MYO9A: variants seen among roughly 807,000 people sequenced by gnomAD.
MYO9A encodes unconventional myosin-IXa.
Under a neutral mutation model 293.3 loss-of-function variants are expected in MYO9A, and 103 were observed. The ratio of observed to expected loss-of-function variants is 0.35; its 90% CI spans 0.30 to 0.41. The LOEUF is 0.41. Among genes scored for constraint, MYO9A ranks in the 10% least tolerant of loss-of-function variants. The probability of loss-of-function intolerance (pLI) is 1.00; values close to 1 mark genes in which losing one functional copy is unlikely to be tolerated. For synonymous variants in MYO9A, 1,001 were observed against 1,035.7 expected (o/e 0.97, Z 0.64); for missense variants, 2,685 against 3,033.0 (o/e 0.89, Z 2.69).
chr15:71,959,870 G>C, intron 14 of MYO9A, 31 bp downstream of exon 14: 3 of 1,282,988 alleles, frequency 2.3e-6, no homozygotes, highest in Non-Finnish European at 3.3e-6. Flanking sequence ...AAAAGATGAA[G>C]TATGGTAGAA....
At chr15:71,846,252 A>G (rs533149462) in intron 39 of MYO9A, among the ~76,000 whole-genome samples, 5 of 152,198 alleles carry the variant, frequency 3.3e-5, no homozygotes, top group Non-Finnish European at 7.4e-5. Flanking sequence ...ATGAGCCGGA[A>G]TAGCAGTGTT....
At chr15:72,084,484 A>G (rs1424288749) in intron 1 of MYO9A, among the ~76,000 whole-genome samples, 1 of 152,124 alleles carries the variant, frequency 6.6e-6, no homozygotes, top group Non-Finnish European at 1.5e-5. Context: ...CAAGGTTAGT[A>G]TTGATAAGTG....
chr15:71,901,033 T>C (rs2057467624), intron 23 of MYO9A, among the ~76,000 whole-genome samples, 158 bp downstream of exon 23: 1 of 152,230 alleles, frequency 6.6e-6, no homozygotes, highest in Admixed American at 6.5e-5. Context: ...CCAGATAATC[T>C]GTTGGGTGTT....
At chr15:72,105,559 G>A (rs1467389580) in intron 1 of MYO9A, among the ~76,000 whole-genome samples, 2 of 145,278 alleles carry the variant, frequency 1.4e-5, no homozygotes, top group Non-Finnish European at 3.0e-5. Context: ...CCAGGCTGGA[G>A]CACAATGGCA....
At chr15:71,920,852 C>A in intron 18 of MYO9A, among the ~76,000 whole-genome samples, 1 of 151,998 alleles carries the variant, frequency 6.6e-6, no homozygotes. Context: ...GTGGCTGGGG[C>A]ACAAGAACTG....
chr15:72,082,231 A>G (rs374833514), intron 1 of MYO9A, among the ~76,000 whole-genome samples: 1 of 152,174 alleles, frequency 6.6e-6, no homozygotes, highest in East Asian at 1.9e-4. Context: ...CTCCTTGTAG[A>G]TATCTTTCCC....
At chr15:71,885,466 C>A (rs750408042) in intron 27 of MYO9A, among the ~76,000 whole-genome samples, 1 of 151,996 alleles carries the variant, frequency 6.6e-6, no homozygotes, top group South Asian at 2.1e-4. Context: ...TATCAACTCT[C>A]AATACATTCA....
intron 39 of MYO9A, among the ~76,000 whole-genome samples, chr15:71,835,989 T>A (rs1041789127): frequency 2.6e-5 from 4 of 151,772 alleles, no homozygotes; most frequent in Non-Finnish European, 2.9e-5. Context: ...AAAGGAAAAA[T>A]TTTCTTAAAC....
chr15:71,826,302 A>C lies in MYO9A; in HGVS notation c.*278T>G. 1 of 359,336 alleles carries C rather than the reference A, an allele frequency of 2.8e-6. No individual in the cohort carries two copies. Among genetic ancestry groups the C allele is most frequent in the Non-Finnish European group, 5.0e-6 (1 of 200,450 alleles). 22.3% of individuals were successfully genotyped at this position (359,336 alleles called of 1,614,324 possible). On this transcript the variant is annotated 3_prime_UTR_variant, in exon 42 of 42. Transcript: ENST00000356056. ...GGGAAAAGAGGGTGGGGGAGAGGCAACTACAACTGACCCAAATCCCCAGGC... is the reference window on the plus strand; with the variant it reads ...GGGAAAAGAGGGTGGGGGAGAGGCACCTACAACTGACCCAAATCCCCAGGC...
chr15:71,832,991 GTA>G (rs915500051), intron 39 of MYO9A, among the ~76,000 whole-genome samples: 1 of 151,194 alleles, frequency 6.6e-6, no homozygotes, highest in African/African-American at 2.4e-5. Flanking sequence ...TAGTAAAAGA[GTA>G]AAACTTCCAA....
intron 15 of MYO9A, chr15:71,951,572 C>G (rs2059051291): frequency 6.0e-6 from 3 of 497,426 alleles, no homozygotes; most frequent in South Asian, 9.7e-5. Context: ...CACAGGCAAA[C>G]AGAAAAGTCA....
At chr15:71,873,754 T>C (rs2056596345) in intron 32 of MYO9A, among the ~76,000 whole-genome samples, 1 of 152,236 alleles carries the variant, frequency 6.6e-6, no homozygotes, top group South Asian at 2.1e-4. Context: ...TATAATAAAA[T>C]AGTTGTTGAA....
At chr15:71,978,935 T>C (rs1371405644) in intron 11 of MYO9A, among the ~76,000 whole-genome samples, 1 of 152,076 alleles carries the variant, frequency 6.6e-6, no homozygotes, top group African/African-American at 2.4e-5. Context: ...TGTGATACTT[T>C]CACTTTTTAG....
intron 22 of MYO9A, among the ~76,000 whole-genome samples, chr15:71,901,864 G>A (rs1425948425): frequency 6.6e-6 from 1 of 152,116 alleles, no homozygotes; most frequent in Non-Finnish European, 1.5e-5. Context: ...GAAAACCATA[G>A]ATCTTGAAGC....
rs926697301 is a variant in MYO9A at position 71,978,297 on chromosome 15, A to G, written c.1723-5T>C. ...ACCTTCAGTTCTATATTCCTCCTAG[A>G]AAAACCAAAAAATAAAATAACAATT... On this transcript the variant is annotated splice_polypyrimidine_tract_variant and splice_region_variant and intron_variant, in intron 11 of 41. Coordinates refer to ENST00000356056, the MANE Select transcript of MYO9A (RefSeq NM_006901.4). 4.4e-6 allele frequency: 7 copies of G among 1,591,920 alleles called. No individual in the cohort carries two copies. The highest frequency in any genetic ancestry group is 5.1e-6 in the Non-Finnish European group (6 of 1,171,844).
intron 1 of MYO9A, among the ~76,000 whole-genome samples, chr15:72,108,130 T>A (rs1263785665): frequency 1.3e-5 from 2 of 152,182 alleles, no homozygotes; most frequent in Non-Finnish European, 2.9e-5. Flanking sequence ...AGAAATGGAA[T>A]ATTTGTATGG....
At chr15:72,097,621 C>A (rs1001349956) in intron 1 of MYO9A, among the ~76,000 whole-genome samples, 6 of 151,966 alleles carry the variant, frequency 3.9e-5, no homozygotes, top group Non-Finnish European at 7.4e-5. Context: ...AACTGGAGAT[C>A]CAGAAAAAGA....
At chr15:71,961,139 A>G (rs953067612) in intron 13 of MYO9A, among the ~76,000 whole-genome samples, 2 of 152,206 alleles carry the variant, frequency 1.3e-5, no homozygotes, top group African/African-American at 4.8e-5. Flanking sequence ...AGGAGGCACA[A>G]TATTAGAGTA....
intron 1 of MYO9A, among the ~76,000 whole-genome samples, chr15:72,078,061 C>A (rs1322652979): frequency 1.3e-5 from 2 of 152,282 alleles, no homozygotes; most frequent in Middle Eastern, 3.4e-3. Context: ...CAGGAACTCT[C>A]ATTCATTGCT....
Sources: allele counts gnomAD v4.1 joint callset (sites outside exome capture counted in the v4.1 genomes callset), GRCh38; gene constraint gnomAD v4.1.1; transcripts MANE v1.5; gene names NCBI Gene and HGNC (gene_info 2026-07-23, HGNC 2026-07-21).